Variants in FOXN3 observed in about 807,000 individuals in gnomAD.
The protein encoded by FOXN3 is forkhead box protein N3.
In FOXN3, 7 loss-of-function variants were observed where a neutral mutation model predicts 38.4. The ratio of observed to expected loss-of-function variants is 0.18; its 90% CI spans 0.10 to 0.34. The LOEUF (loss-of-function observed/expected upper bound fraction) is 0.34. FOXN3 is among the 10% of genes least tolerant of loss of function. The pLI, the probability that FOXN3 is intolerant of heterozygous loss-of-function variation, is 1.00. For missense variants in FOXN3, 456 were observed against 613.4 expected (o/e 0.74, Z 2.71); for synonymous variants, 230 against 242.2 (o/e 0.95, Z 0.47).
chr14:89,438,225 C>T (rs1422980509), intron 1 of FOXN3, among the ~76,000 whole-genome samples: 2 of 152,262 alleles, frequency 1.3e-5, no homozygotes, highest in African/African-American at 4.8e-5. Flanking sequence ...AGTCTCCTCA[C>T]TCCCACTGGC....
chr14:89,393,096 T>C (rs1891001361), intron 2 of FOXN3, among the ~76,000 whole-genome samples: 1 of 151,724 alleles, frequency 6.6e-6, no homozygotes, highest in African/African-American at 2.4e-5. Context: ...TGAGCCACCG[T>C]GCCCGGCTTA....
intron 1 of FOXN3, among the ~76,000 whole-genome samples, chr14:89,428,076 T>C (rs1445998315): frequency 6.6e-6 from 1 of 152,378 alleles, no homozygotes; most frequent in East Asian, 1.9e-4. Flanking sequence ...CGTTTTACTT[T>C]TTCAGAGGGG....
At chr14:89,207,972 T>C (rs1045372061) in intron 4 of FOXN3, among the ~76,000 whole-genome samples, 14 of 151,694 alleles carry the variant, frequency 9.2e-5, no homozygotes, top group African/African-American at 3.2e-4. Context: ...CAAGTGTGTC[T>C]GCCTTCAGTG....
intron 4 of FOXN3, among the ~76,000 whole-genome samples, chr14:89,210,385 C>T (rs1413002633): frequency 1.3e-5 from 2 of 152,174 alleles, no homozygotes; most frequent in African/African-American, 2.4e-5. Flanking sequence ...AAGCTGAGCA[C>T]GTGCCTCCAT....
chr14:89,298,427 G>A (rs557304114), intron 3 of FOXN3, among the ~76,000 whole-genome samples: 3 of 144,416 alleles, frequency 2.1e-5, no homozygotes, highest in South Asian at 4.4e-4. Flanking sequence ...CCTGGATGGC[G>A]CCACTGCACT....
At chr14:89,401,400 C>T (rs1435988090) in intron 2 of FOXN3, among the ~76,000 whole-genome samples, 1 of 152,168 alleles carries the variant, frequency 6.6e-6, no homozygotes, top group Non-Finnish European at 1.5e-5. Flanking sequence ...TGAGATGGCG[C>T]CATTGGCACT....
intron 5 of FOXN3, among the ~76,000 whole-genome samples, chr14:89,176,313 C>A (rs1887516946): frequency 2.6e-5 from 4 of 152,150 alleles, no homozygotes; most frequent in Admixed American, 6.5e-5. Flanking sequence ...ATGTCAATAA[C>A]AGTTTCAGAG....
At chr14:89,415,529 G>A (rs1273722804) in intron 1 of FOXN3, among the ~76,000 whole-genome samples, 1 of 138,424 alleles carries the variant, frequency 7.2e-6, no homozygotes, top group African/African-American at 2.7e-5. Flanking sequence ...TATAAATCCC[G>A]CATTTTATAC....
rs34026101 is a variant in FOXN3, at chr14:89,415,604, C to CAAAAAAAAAAAAAAAAAAAAAAAAAAAA, written c.-15+1266_-15+1267insTTTTTTTTTTTTTTTTTTTTTTTTTTTT. On this transcript the variant is annotated intron_variant, in intron 1 of 5. Coordinates refer to ENST00000557258, the MANE Select transcript of FOXN3 (RefSeq NM_005197.4). ...AAAAACAAAACAAAACAACAATAAC[C>CAAAAAAAAAAAAAAAAAAAAAAAAAAAA]AAAAAAAAAAAAAAAAAAAAAAAAA... Among the ~76,000 whole-genome samples, 3 of 54,272 alleles carry CAAAAAAAAAAAAAAAAAAAAAAAAAAAA rather than the reference C, an allele frequency of 5.5e-5. 1 individual carries two copies. The highest frequency in any genetic ancestry group is 1.7e-4 in the African/African-American group (3 of 17,868). 35.6% of individuals were successfully genotyped at this position (54,272 alleles called of 152,430 possible). A position where few individuals can be genotyped will look rare whatever the true frequency, so the allele number is the denominator to read the frequency against.
chr14:89,257,421 A>C (rs1285897239), intron 4 of FOXN3, among the ~76,000 whole-genome samples: 1 of 152,258 alleles, frequency 6.6e-6, no homozygotes, highest in African/African-American at 2.4e-5. Flanking sequence ...ATACTACTGA[A>C]GAAAGTAGTC....
chr14:89,370,150 T>C (rs186415015), intron 2 of FOXN3, among the ~76,000 whole-genome samples: 5 of 152,362 alleles, frequency 3.3e-5, no homozygotes, highest in Admixed American at 1.3e-4. Context: ...TATTACAACT[T>C]TGTATTTGTG....
chr14:89,535,330 C>T (rs1264726459), intron 1 of FOXN3, among the ~76,000 whole-genome samples: 1 of 152,010 alleles, frequency 6.6e-6, no homozygotes, highest in South Asian at 2.1e-4. Flanking sequence ...TTGATCAAAA[C>T]ATTCCTCCCC....
chr14:89,333,988 A>G (rs770425373), intron 3 of FOXN3, among the ~76,000 whole-genome samples: 10,583 of 83,550 alleles, frequency 0.13, 989 homozygotes, highest in African/African-American at 0.27. Context: ...ATATATATAT[A>G]TATATATATA....
chr14:89,318,791 C>G (rs957265071), intron 3 of FOXN3, among the ~76,000 whole-genome samples: 1 of 152,238 alleles, frequency 6.6e-6, no homozygotes, highest in Non-Finnish European at 1.5e-5. Flanking sequence ...AATCCGGGTT[C>G]TCCCTGCCTT....
chr14:89,200,175 C>T (rs1023429946), intron 4 of FOXN3, among the ~76,000 whole-genome samples: 8 of 152,154 alleles, frequency 5.3e-5, no homozygotes, highest in African/African-American at 1.7e-4. Context: ...TCACACATTT[C>T]CTGAGTCTTT....
intron 4 of FOXN3, among the ~76,000 whole-genome samples, chr14:89,244,032 G>A (rs977660991): frequency 6.6e-6 from 1 of 152,170 alleles, no homozygotes; most frequent in Admixed American, 6.5e-5. Context: ...CTTTGCAGAG[G>A]AAACAGCTAC....
intron 3 of FOXN3, among the ~76,000 whole-genome samples, chr14:89,299,965 G>T (rs1423242754): frequency 1.3e-5 from 2 of 152,150 alleles, no homozygotes; most frequent in Non-Finnish European, 2.9e-5. Context: ...AAGCAAGAAG[G>T]CTGGCCACAC....
intron 1 of FOXN3, among the ~76,000 whole-genome samples, chr14:89,510,892 G>A (rs1419280092): frequency 6.6e-6 from 1 of 152,124 alleles, no homozygotes; most frequent in African/African-American, 2.4e-5. Context: ...GCAGTGAGCT[G>A]AGATCACACC....
chr14:89,262,063 A>G (rs1245984613), intron 4 of FOXN3, among the ~76,000 whole-genome samples: 1 of 152,154 alleles, frequency 6.6e-6, no homozygotes, highest in Non-Finnish European at 1.5e-5. Flanking sequence ...GAGATCGCGC[A>G]CTGCACTCCA....
Sources: gnomAD v4.1 joint callset for allele counts (sites outside exome capture counted in the v4.1 genomes callset) on GRCh38, gnomAD v4.1.1 for gene constraint, MANE v1.5 for transcripts, NCBI Gene and HGNC (gene_info 2026-07-23, HGNC 2026-07-21) for gene names.